TRPC4: variants seen among roughly 807,000 people sequenced by gnomAD.
TRPC4 encodes short transient receptor potential channel 4.
In TRPC4, 49 loss-of-function variants were observed where a neutral mutation model predicts 99.4. The observed-to-expected ratio is 0.49, with a 90% CI of 0.39 to 0.63. The LOEUF (loss-of-function observed/expected upper bound fraction) is 0.63, where lower values mean the gene tolerates loss of function less well. Among genes scored for constraint, TRPC4 ranks in the 20% least tolerant of loss-of-function variants. The pLI is 0.00. For synonymous variants in TRPC4, 454 were observed against 425.9 expected (o/e 1.07, Z -0.81); for missense variants, 898 against 1,152.9 (o/e 0.78, Z 3.20).
chr13:37,666,940 T>A (rs1566081282), intron 5 of TRPC4, among the ~76,000 whole-genome samples: 3 of 151,936 alleles, frequency 2.0e-5, no homozygotes, highest in African/African-American at 7.3e-5. Context: ...ACTTCTCACC[T>A]AACAGCCCTA....
chr13:37,683,983 A>T lies in TRPC4; in HGVS notation c.1234+8016T>A, dbSNP rs1303297151. On this transcript the variant is annotated intron_variant, in intron 4 of 10. Coordinates refer to ENST00000379705, the MANE Select transcript of TRPC4 (RefSeq NM_016179.4). ...CGGGAACAAGGAAAGGATATTTGAT[A>T]TAAGGTGGCCAAGGAGAGTGATAGA... Among the ~76,000 whole-genome samples, 4 of 152,226 alleles carry T rather than the reference A, an allele frequency of 2.6e-5. No homozygotes were observed. The East Asian group carries it at 7.7e-4, about 29-fold the overall frequency.
chr13:37,742,004 T>C (rs1955606261), intron 3 of TRPC4, among the ~76,000 whole-genome samples: 2 of 151,820 alleles, frequency 1.3e-5, no homozygotes, highest in South Asian at 4.1e-4. Context: ...TAATAAACCA[T>C]GTAAACAACT....
At chr13:37,824,742 T>C (rs1249818625) in intron 1 of TRPC4, among the ~76,000 whole-genome samples, 1 of 152,276 alleles carries the variant, frequency 6.6e-6, no homozygotes, top group Non-Finnish European at 1.5e-5. Flanking sequence ...CTCTTTTTGG[T>C]TGTGTCTCTG....
At chr13:37,830,439 T>C (rs1013611728) in intron 1 of TRPC4, among the ~76,000 whole-genome samples, 2 of 152,078 alleles carry the variant, frequency 1.3e-5, no homozygotes, top group African/African-American at 4.8e-5. Context: ...CTGGACATGA[T>C]GGCTGACGCC....
At chr13:37,842,364 AAAAAAAGG>A (rs1593301021) in intron 1 of TRPC4, among the ~76,000 whole-genome samples, 1 of 143,842 alleles carries the variant, frequency 7.0e-6, no homozygotes, top group African/African-American at 2.6e-5. Flanking sequence ...AAAAAAAAAA[AAAAAAAGG>A]AAAAGGAAAA....
intron 8 of TRPC4, among the ~76,000 whole-genome samples, chr13:37,647,048 G>A (rs749577705): frequency 5.9e-5 from 9 of 152,160 alleles, no homozygotes; most frequent in African/African-American, 1.4e-4. Context: ...AAAGAAATAC[G>A]AATTAATGAG....
intron 3 of TRPC4, among the ~76,000 whole-genome samples, chr13:37,708,959 A>G (rs973860006): frequency 1.3e-5 from 2 of 151,948 alleles, no homozygotes; most frequent in Non-Finnish European, 2.9e-5. Flanking sequence ...TGAGATTTAC[A>G]TACTCTCTTT....
chr13:37,778,769 C>T (rs1010581426), intron 2 of TRPC4, among the ~76,000 whole-genome samples: 5 of 152,000 alleles, frequency 3.3e-5, no homozygotes, highest in African/African-American at 4.8e-5. Context: ...GGGAAACTCT[C>T]ATATATTAAA....
chr13:37,687,288 G>T (rs903013393), intron 4 of TRPC4, among the ~76,000 whole-genome samples: 2 of 152,134 alleles, frequency 1.3e-5, no homozygotes, highest in Admixed American at 1.3e-4. Flanking sequence ...TTCATGAAAA[G>T]TGTTATCCAT....
chr13:37,807,809 G>A lies in TRPC4; in HGVS notation c.-27-24449C>T, dbSNP rs114586945. On this transcript the variant is annotated intron_variant, in intron 1 of 10. Transcript: ENST00000379705. The stretch of plus-strand genomic sequence containing the variant: ...GTTTTACAGTAGACAAAAGCACCGA[G>A]CCAAAGGTGATTAATGAAAATCCTC... 7.0e-3 allele frequency among the ~76,000 whole-genome samples: 1,069 copies of A among 152,128 alleles called. 12 individuals carry two copies. Among genetic ancestry groups the A allele is most frequent in the African/African-American group, 0.025 (1,026 of 41,504 alleles).
At chr13:37,637,849 C>A (rs1307020608) in intron 10 of TRPC4, among the ~76,000 whole-genome samples, 1 of 152,116 alleles carries the variant, frequency 6.6e-6, no homozygotes, top group African/African-American at 2.4e-5. Context: ...CTTCCTAAGG[C>A]TGATGCAAAA....
intron 3 of TRPC4, among the ~76,000 whole-genome samples, chr13:37,743,519 G>A (rs1955651857): frequency 6.6e-6 from 1 of 152,060 alleles, no homozygotes; most frequent in East Asian, 1.9e-4. Context: ...TAGTGGTTCA[G>A]GAACAAAATG....
chr13:37,753,569 G>GAA (rs1157225744), intron 2 of TRPC4, among the ~76,000 whole-genome samples: 2 of 32,970 alleles, frequency 6.1e-5, no homozygotes, highest in Non-Finnish European at 2.7e-4. Context: ...AAGAGAGAGA[G>GAA]AGAGAAAGAG....
intron 2 of TRPC4, among the ~76,000 whole-genome samples, chr13:37,761,327 C>T (rs1018272208): frequency 1.3e-5 from 2 of 151,852 alleles, no homozygotes; most frequent in Admixed American, 6.6e-5. Flanking sequence ...AGTTCAGTAA[C>T]TTCCTCATGG....
intron 3 of TRPC4, among the ~76,000 whole-genome samples, chr13:37,707,479 A>G (rs1316113683): frequency 1.3e-5 from 2 of 152,302 alleles, no homozygotes; most frequent in African/African-American, 4.8e-5. Context: ...TAAATGTCAC[A>G]GTCACAAGAC....
At chr13:37,758,587 C>T (rs1043439075) in intron 2 of TRPC4, among the ~76,000 whole-genome samples, 1 of 151,672 alleles carries the variant, frequency 6.6e-6, no homozygotes, top group Non-Finnish European at 1.5e-5. Context: ...AGAAACAAGA[C>T]AACCTGTTCC....
chr13:37,658,161 G>A (rs965401684), intron 6 of TRPC4, among the ~76,000 whole-genome samples: 1 of 152,040 alleles, frequency 6.6e-6, no homozygotes, highest in Non-Finnish European at 1.5e-5. Context: ...ATGCCTTTAC[G>A]TGACTAATAT....
intron 3 of TRPC4, among the ~76,000 whole-genome samples, chr13:37,727,501 A>G (rs1955102566): frequency 6.6e-6 from 1 of 152,016 alleles, no homozygotes; most frequent in Non-Finnish European, 1.5e-5. Context: ...GTTTATTTTT[A>G]CAACTTAATA....
At chr13:37,830,796 AT>A (rs1183266393) in intron 1 of TRPC4, among the ~76,000 whole-genome samples, 3 of 103,186 alleles carry the variant, frequency 2.9e-5, no homozygotes, top group African/African-American at 9.0e-5. Flanking sequence ...TATAGTATAT[AT>A]TTTTTGTATA....
Sources: allele counts gnomAD v4.1 joint callset (sites outside exome capture counted in the v4.1 genomes callset), GRCh38; gene constraint gnomAD v4.1.1; transcripts MANE v1.5; gene names NCBI Gene and HGNC (gene_info 2026-07-23, HGNC 2026-07-21).